Variants in ITGAE observed in about 807,000 individuals in gnomAD.
ITGAE encodes the protein integrin alpha-E.
Under a neutral mutation model 136.5 loss-of-function variants are expected in ITGAE, and 99 were observed. The observed-to-expected ratio is 0.73, with a 90% CI of 0.62 to 0.86. The LOEUF (loss-of-function observed/expected upper bound fraction) is 0.86, where lower values mean the gene tolerates loss of function less well. Ranked by LOEUF, ITGAE falls within the 40% of genes least tolerant of loss-of-function variation. ITGAE has a pLI of 0.00. For missense variants in ITGAE, 1,447 were observed against 1,515.3 expected (o/e 0.95, Z 0.75); for synonymous variants, 613 against 591.8 (o/e 1.04, Z -0.52).
At chr17:3,735,809 T>C (rs980047387) in intron 20 of ITGAE, among the ~76,000 whole-genome samples, 5 of 152,110 alleles carry the variant, frequency 3.3e-5, no homozygotes, top group Non-Finnish European at 7.4e-5. Flanking sequence ...TCAACCCTCA[T>C]AGTAACCCTG....
intron 20 of ITGAE, among the ~76,000 whole-genome samples, chr17:3,735,681 C>G (rs917942838): frequency 1.4e-4 from 22 of 152,192 alleles, no homozygotes; most frequent in African/African-American, 4.1e-4. Flanking sequence ...GACATTCTTC[C>G]TCTCAACATA....
intron 14 of ITGAE, among the ~76,000 whole-genome samples, chr17:3,752,175 C>A (rs2051888516): frequency 6.6e-6 from 1 of 152,186 alleles, no homozygotes; most frequent in Non-Finnish European, 1.5e-5. Context: ...ATACAGTGAG[C>A]ACCAGGGGAA....
At chr17:3,747,638 C>T (rs946008331) in intron 17 of ITGAE, among the ~76,000 whole-genome samples, 9 of 152,052 alleles carry the variant, frequency 5.9e-5, no homozygotes, top group African/African-American at 2.2e-4. Context: ...GAAACTCAAC[C>T]CTTCAACCCT....
At position 3,757,083 on chromosome 17, in the gene ITGAE, C is replaced by A. The variant is rs574067491; in HGVS notation, c.1072G>T (p.Ala358Ser). ...GCATGGGTCTCATCCGGGTCTGAGG[C>A]GATCAGGTTCAGTTCCCTCGCAGTC... Reference protein sequence around the residue: ...ARTARELNLIASDPDETHAFK... With the variant: ...ARTARELNLISSDPDETHAFK... Residue 358 changes from alanine (A) to serine (S), a missense_variant, in exon 10 of 31, where the codon GCC (alanine) becomes TCC (serine). Coordinates refer to ENST00000263087, the MANE Select transcript of ITGAE (RefSeq NM_002208.5). 5.0e-6 allele frequency: 8 copies of A among 1,614,168 alleles called. No homozygotes were observed. The highest frequency in any genetic ancestry group is 5.9e-6 in the Non-Finnish European group (7 of 1,180,022).
chr17:3,727,245 CAA>C (rs2051234245), intron 26 of ITGAE, among the ~76,000 whole-genome samples: 1 of 151,718 alleles, frequency 6.6e-6, no homozygotes, highest in African/African-American at 2.4e-5. Context: ...AAGCAGAGAC[CAA>C]AAAAGAGTCT....
intron 17 of ITGAE, among the ~76,000 whole-genome samples, chr17:3,747,363 C>T (rs1315658675): frequency 1.3e-5 from 2 of 151,824 alleles, no homozygotes; most frequent in Non-Finnish European, 2.9e-5. Flanking sequence ...TGTCACCCAG[C>T]GTGGAGTGCA....
chr17:3,740,282 C>A (rs1386334342), intron 19 of ITGAE, among the ~76,000 whole-genome samples: 1 of 152,242 alleles, frequency 6.6e-6, no homozygotes, highest in Non-Finnish European at 1.5e-5. Flanking sequence ...ATAGGCAGAA[C>A]AGCCCGGGCA....
chr17:3,749,608 A>G (rs1238104982), intron 16 of ITGAE, among the ~76,000 whole-genome samples: 1 of 152,082 alleles, frequency 6.6e-6, no homozygotes, highest in Non-Finnish European at 1.5e-5. Context: ...CAGCTCAGGG[A>G]GGTGCTGGGT....
At chr17:3,736,233 C>T (rs894253987) in intron 20 of ITGAE, among the ~76,000 whole-genome samples, 2 of 152,028 alleles carry the variant, frequency 1.3e-5, no homozygotes, top group Non-Finnish European at 2.9e-5. Context: ...TGCTTGAGCC[C>T]GGGAGGCAGA....
intron 2 of ITGAE, among the ~76,000 whole-genome samples, chr17:3,769,968 C>T (rs973490500): frequency 6.6e-6 from 1 of 152,144 alleles, no homozygotes; most frequent in African/African-American, 2.4e-5. Flanking sequence ...GCTGAGACTA[C>T]AGGCACGAGC....
rs767385760 is a variant in ITGAE, at chr17:3,730,660, A to G, written c.2834+444T>C. ...TTGGCAGTATTCCTGGCCTCTACCC[A>G]CCAGATGTCCTACTGAACACCCCCC... On this transcript the variant is annotated intron_variant, in intron 23 of 30. Transcript: ENST00000263087. Among the ~76,000 whole-genome samples, 125 of 152,098 alleles carry G rather than the reference A, an allele frequency of 8.2e-4. 4 individuals carry two copies. Among genetic ancestry groups the G allele is most frequent in the Non-Finnish European group, 4.3e-4 (29 of 67,976 alleles).
intron 29 of ITGAE, chr17:3,717,010 C>T (rs2066156206): frequency 2.1e-6 from 1 of 480,332 alleles, no homozygotes; most frequent in African/African-American, 2.0e-5. Context: ...TCGTAAGAAA[C>T]TATTCTGGCC....
chr17:3,778,023 G>A (rs574380032), intron 1 of ITGAE, among the ~76,000 whole-genome samples: 2 of 152,108 alleles, frequency 1.3e-5, no homozygotes, highest in East Asian at 3.9e-4. Flanking sequence ...GTGAGCCCCA[G>A]GAAGAGGGCC....
chr17:3,770,280 C>T (rs2052389544), intron 2 of ITGAE, among the ~76,000 whole-genome samples: 1 of 151,248 alleles, frequency 6.6e-6, no homozygotes, highest in Admixed American at 6.6e-5. Context: ...CCACCATGCC[C>T]AGCTAAATTT....
At chr17:3,795,625 G>A (rs2053047265) in intron 1 of ITGAE, among the ~76,000 whole-genome samples, 1 of 152,234 alleles carries the variant, frequency 6.6e-6, no homozygotes, top group African/African-American at 2.4e-5. Context: ...ACAGAGAGAG[G>A]CCAGGGTCAC....
chr17:3,757,807 T>G lies in ITGAE; in HGVS notation c.919A>C (p.Met307Leu), dbSNP rs769505239. The change falls in exon 9 of 31, where the codon ATG becomes CTG. Residue 307 changes from methionine to leucine, a missense_variant. Transcript: ENST00000263087. ...ATGCCACCATCGGTGAGCACCACCATGACCTTGGATGCCTTTCTCCTGGAG... is the reference window on the plus strand; with the variant it reads ...ATGCCACCATCGGTGAGCACCACCAGGACCTTGGATGCCTTTCTCCTGGAG... The part of the protein sequence containing the change: ...HGSRRKASKV[M>L]VVLTDGGIFE... The G allele has an allele frequency of 6.2e-7, 1 of 1,614,166 alleles. No individual in the cohort carries two copies. The highest frequency in any genetic ancestry group is 1.3e-5 in the African/African-American group (1 of 75,042).
chr17:3,748,119 T>C, intron 16 of ITGAE, 67 bp from the exon 17 acceptor site: 2 of 1,515,790 alleles, frequency 1.3e-6, no homozygotes, highest in South Asian at 1.2e-5. Flanking sequence ...CCTGGCTGAT[T>C]GGTTCATGCA....
At chr17:3,757,210 A>G in intron 9 of ITGAE, 76 bp from the exon 10 acceptor site, 14 of 1,532,084 alleles carry the variant, frequency 9.1e-6, no homozygotes, top group Non-Finnish European at 1.2e-5. Flanking sequence ...GAGCCCCTCC[A>G]TCTGGCCTCT....
At chr17:3,786,166 C>CA (rs369144318) in intron 1 of ITGAE, among the ~76,000 whole-genome samples, 1,712 of 57,782 alleles carry the variant, frequency 0.03, 41 homozygotes, top group African/African-American at 0.068. Flanking sequence ...GACTCCATCT[C>CA]AAAAAAAAAA....
Sources: gnomAD v4.1 joint callset for allele counts (sites outside exome capture counted in the v4.1 genomes callset) on GRCh38, gnomAD v4.1.1 for gene constraint, MANE v1.5 for transcripts, NCBI Gene and HGNC (gene_info 2026-07-23, HGNC 2026-07-21) for gene names.